The following TIMP2 variants were observed in gnomAD, a reference collection of about 807,000 sequenced individuals.
TIMP2 encodes the protein TIMP metallopeptidase inhibitor 2.
A neutral mutation model predicts 24.3 loss-of-function variants in TIMP2; 5 were observed. The ratio of observed to expected loss-of-function variants is 0.21; its 90% CI spans 0.11 to 0.43. The LOEUF (loss-of-function observed/expected upper bound fraction) is 0.43. Among genes scored for constraint, TIMP2 ranks in the 20% least tolerant of loss-of-function variants. The pLI is 1.00. For synonymous variants in TIMP2, 130 were observed against 123.2 expected (o/e 1.06, Z -0.37); for missense variants, 221 against 297.5 (o/e 0.74, Z 1.89).
intron 1 of TIMP2, chr17:78,892,645 T>A: frequency 1.2e-6 from 1 of 851,120 alleles, no homozygotes; most frequent in Non-Finnish European, 1.8e-6. Context: ...TGTACACTTT[T>A]GACAAGAGCC....
In TIMP2 at chr17:78,891,684, C is replaced by G; in HGVS notation, c.131-17765G>C. 2 of 1,551,132 alleles carry G rather than the reference C, an allele frequency of 1.3e-6. No individual in the cohort carries two copies. The highest frequency in any genetic ancestry group is 1.7e-6 in the Non-Finnish European group (2 of 1,147,126). On this transcript the variant is annotated intron_variant, in intron 1 of 4. Transcript: ENST00000262768. This position sits in a 1 kb window ranked among gnomAD's most constrained non-coding sequence, Gnocchi z 4.5. ...CCCAGTTGCCTCCTCCCCGCCCGAG[C>G]TGTTCCTTTCTCTTTTTCCTCCACA...
At chr17:78,872,828 T>G (rs1478487021) in intron 2 of TIMP2, among the ~76,000 whole-genome samples, 1 of 149,398 alleles carries the variant, frequency 6.7e-6, no homozygotes, top group Non-Finnish European at 1.5e-5. Context: ...TTCAGCTACT[T>G]TTTTTTTTTT....
rs1178597245 is a variant in TIMP2, at chr17:78,855,899, G to A, written c.466-35C>T. ...GGCACACGGAGGGGGACGGAGTCAG[G>A]GACCCAGGAAGGGGTGGGCAGAGGC... On this transcript the variant is annotated intron_variant, in intron 4 of 4. Transcript: ENST00000262768. This position sits in a 1 kb window ranked among gnomAD's most constrained non-coding sequence, Gnocchi z 6.0. 12 of 1,610,822 alleles carry A rather than the reference G, an allele frequency of 7.4e-6. No individual in the cohort carries two copies. Among genetic ancestry groups the A allele is most frequent in the Non-Finnish European group, 6.8e-6 (8 of 1,177,976 alleles).
intron 1 of TIMP2, among the ~76,000 whole-genome samples, chr17:78,895,189 G>A (rs1417588673): frequency 6.6e-6 from 1 of 152,182 alleles, no homozygotes; most frequent in Non-Finnish European, 1.5e-5. Flanking sequence ...GCTAAGGCAG[G>A]AGAATTGCTT....
chr17:78,924,994 AC>A lies in TIMP2; in HGVS notation c.94del (p.Val32CysfsTer12). 1 of 1,284,192 alleles carries A rather than the reference AC, an allele frequency of 7.8e-7. No individual in the cohort carries two copies. Among genetic ancestry groups the A allele is most frequent in the Non-Finnish European group, 1.0e-6 (1 of 1,003,842 alleles). The allele number at this position is 1,284,192 out of a possible 1,614,324, so 79.5% of individuals were successfully genotyped here. A position where few individuals can be genotyped will look rare whatever the true frequency, so the allele number is the denominator to read the frequency against. On this transcript the variant is annotated frameshift_variant, in exon 1 of 5. Transcript: ENST00000262768. LOFTEE classifies it high-confidence loss of function. The surrounding 1 kb of genome is among the most constrained non-coding windows in gnomAD (Gnocchi z 5.3). ...RPADACSCSPVHPQQAFCNAD... is the reference protein window; with the variant it reads ...RPADACSCSPXHPQQAFCNAD... ...ATTGCAAAACGCCTGTTGCGGGTGC[AC>A]CGGGGAGCAGCTGCAGGCGTCGGCC...
At chr17:78,871,784 T>C (rs1334133909) in intron 2 of TIMP2, among the ~76,000 whole-genome samples, 1 of 150,066 alleles carries the variant, frequency 6.7e-6, no homozygotes, top group Non-Finnish European at 1.5e-5. Flanking sequence ...AGGCGGAGCT[T>C]GCAGTGAGCC....
intron 1 of TIMP2, among the ~76,000 whole-genome samples, chr17:78,901,435 G>A (rs919538775): frequency 6.6e-6 from 1 of 152,140 alleles, no homozygotes; most frequent in African/African-American, 2.4e-5. Context: ...GACAGTTCTC[G>A]GGAGAGGAGG....
At chr17:78,893,250 T>C (rs1011482322) in intron 1 of TIMP2, among the ~76,000 whole-genome samples, 26 of 137,976 alleles carry the variant, frequency 1.9e-4, no homozygotes, top group African/African-American at 6.7e-4. Context: ...TGTGTAGGAG[T>C]GTGTGTGCAG....
intron 1 of TIMP2, among the ~76,000 whole-genome samples, chr17:78,909,551 G>C (rs2070189647): frequency 6.7e-6 from 1 of 150,286 alleles, no homozygotes; most frequent in Admixed American, 6.6e-5. Flanking sequence ...ATCACCTGGT[G>C]CCAGAGGCCT....
intron 1 of TIMP2, among the ~76,000 whole-genome samples, chr17:78,880,036 T>G (rs1479885183): frequency 2.0e-5 from 3 of 151,906 alleles, no homozygotes; most frequent in Non-Finnish European, 4.4e-5. Context: ...CCGGACCGGC[T>G]GCTGCTGCTC....
intron 1 of TIMP2, among the ~76,000 whole-genome samples, chr17:78,876,174 T>C (rs1197430933): frequency 6.6e-6 from 1 of 152,066 alleles, no homozygotes; most frequent in East Asian, 1.9e-4. Context: ...ACATCATCCT[T>C]GGCTGCCCCC....
In TIMP2 at chr17:78,920,046, G is replaced by C. The variant is rs1401581850; in HGVS notation, c.130+4913C>G. 6.6e-6 allele frequency among the ~76,000 whole-genome samples: 1 copy of C among 152,112 alleles called. No individual in the cohort carries two copies. The highest frequency in any genetic ancestry group is 1.5e-5 in the Non-Finnish European group (1 of 68,024). ...ATCCCTCCTCGCAGCTGCCTGGGAAGCCTCGGGCAGACCTCTTTGTTGTTT... is the reference window on the plus strand; with the variant it reads ...ATCCCTCCTCGCAGCTGCCTGGGAACCCTCGGGCAGACCTCTTTGTTGTTT... On this transcript the variant is annotated intron_variant, in intron 1 of 4. Coordinates refer to ENST00000262768, the MANE Select transcript of TIMP2 (RefSeq NM_003255.5). This position sits in a 1 kb window ranked among gnomAD's most constrained non-coding sequence, Gnocchi z 4.5.
Position 78,855,701 on chromosome 17 carries a change from G to T in TIMP2, c.629C>A (p.Pro210His), listed in dbSNP as rs1165072095. 1 of 1,613,932 alleles carries T rather than the reference G, an allele frequency of 6.2e-7. No individual in the cohort carries two copies. The highest frequency in any genetic ancestry group is 1.7e-5 in the Admixed American group (1 of 60,012). The part of the protein sequence containing the change: ...SCAWYRGAAP[P>H]KQEFLDIEDP ...CTCGATGTCGAGAAACTCCTGCTTGGGGGGCGCCGCGCCGCGGTACCACGC... is the reference window on the plus strand; with the variant it reads ...CTCGATGTCGAGAAACTCCTGCTTGTGGGGCGCCGCGCCGCGGTACCACGC... The change falls in exon 5 of 5, where the codon CCC (proline) becomes CAC (histidine). Residue 210 changes from proline (P) to histidine (H), a missense_variant. Pro to His is a moderately conservative substitution (Grantham distance 77, BLOSUM62 -2). Transcript: ENST00000262768. The surrounding 1 kb of genome is among the most constrained non-coding windows in gnomAD (Gnocchi z 6.0).
chr17:78,914,617 GCT>G (rs1435793756), intron 1 of TIMP2, among the ~76,000 whole-genome samples: 3 of 151,750 alleles, frequency 2.0e-5, no homozygotes, highest in African/African-American at 4.8e-5. Flanking sequence ...ACAGAGTCTT[GCT>G]CTGTCCCCCA....
chr17:78,880,004 G>A (rs568357137), intron 1 of TIMP2, among the ~76,000 whole-genome samples: 19 of 152,146 alleles, frequency 1.2e-4, no homozygotes, highest in East Asian at 9.7e-4. Context: ...AGTCACAACC[G>A]CCCCTGGAAA....
At chr17:78,872,891 G>C (rs567679938) in intron 2 of TIMP2, among the ~76,000 whole-genome samples, 2 of 151,980 alleles carry the variant, frequency 1.3e-5, no homozygotes, top group African/African-American at 2.4e-5. Context: ...ATGCAGTGGT[G>C]CAATCTCAGC....
intron 1 of TIMP2, among the ~76,000 whole-genome samples, chr17:78,913,270 C>T (rs1008919793): frequency 2.6e-5 from 4 of 152,160 alleles, no homozygotes; most frequent in Admixed American, 2.6e-4. Flanking sequence ...TCTGGGGAAA[C>T]ATCACGTGAA....
At position 78,891,856 on chromosome 17, in the gene TIMP2, G is replaced by A. The variant is rs2069901669; in HGVS notation, c.131-17937C>T. The stretch of plus-strand genomic sequence containing the variant: ...CCTTTCTCTTCTCAGGCGGGGCCAG[G>A]TGAGAATTCATCCGACCCGTGGCTT... On this transcript the variant is annotated intron_variant, in intron 1 of 4. Coordinates refer to ENST00000262768, the MANE Select transcript of TIMP2 (RefSeq NM_003255.5). This position sits in a 1 kb window ranked among gnomAD's most constrained non-coding sequence, Gnocchi z 4.5. The A allele has an allele frequency of 6.4e-7, 1 of 1,550,566 alleles. No individual in the cohort carries two copies. Among genetic ancestry groups the A allele is most frequent in the African/African-American group, 1.4e-5 (1 of 73,048 alleles).
intron 1 of TIMP2, chr17:78,890,853 C>T (rs1567999317): frequency 6.4e-7 from 1 of 1,550,578 alleles, no homozygotes; most frequent in Admixed American, 2.0e-5. Flanking sequence ...TTCAGATGGG[C>T]CAGTCGAGCT....
Sources: allele counts gnomAD v4.1 joint callset (sites outside exome capture counted in the v4.1 genomes callset), GRCh38; gene constraint gnomAD v4.1.1; non-coding constraint Gnocchi (gnomAD v3.1); transcripts MANE v1.5; gene names NCBI Gene and HGNC (gene_info 2026-07-23, HGNC 2026-07-21).